CCDC57: variants seen among roughly 807,000 people sequenced by gnomAD.
CCDC57 encodes coiled-coil domain-containing protein 57.
Under a neutral mutation model 118.9 loss-of-function variants are expected in CCDC57, and 118 were observed. The observed-to-expected ratio is 0.99, with a 90% CI of 0.86 to 1.16. The LOEUF (loss-of-function observed/expected upper bound fraction) is 1.16, where lower values mean the gene tolerates loss of function less well. Among genes scored for constraint, CCDC57 ranks in the 50% most tolerant of loss-of-function variants. The pLI is 0.00. For missense variants in CCDC57, 1,300 were observed against 1,320.7 expected, an observed-to-expected ratio of 0.98 and a Z score of 0.24; for synonymous variants, 527 against 532.9, an observed-to-expected ratio of 0.99 and a Z score of 0.15.
chr17:82,173,994 A>C (rs1010558775), intron 11 of CCDC57, among the ~76,000 whole-genome samples: 12 of 152,208 alleles, frequency 7.9e-5, no homozygotes, highest in Admixed American at 5.2e-4. Flanking sequence ...TAGAGGAAAC[A>C]CCTGCTTCCA....
intron 7 of CCDC57, 23 bp downstream of exon 6, chr17:82,193,733 A>AT: frequency 6.3e-7 from 1 of 1,575,622 alleles, no homozygotes; most frequent in East Asian, 2.3e-5. Flanking sequence ...ATGCTGCATG[A>AT]TGTTGGGAGC....
In CCDC57 at chr17:82,116,482, C is replaced by G. The variant is rs186822634; in HGVS notation, c.2899+11210G>C. ...CCCACTTCTCCTATGCAGTCTTCCC[C>G]ACCCCCACAGCACAGCCGAATTCCT... On this transcript the variant is annotated intron_variant, in intron 19 of 19. Transcript: ENST00000665763. Among the ~76,000 whole-genome samples, 1,401 of 152,256 alleles carry G rather than the reference C, an allele frequency of 9.2e-3. 19 individuals carry two copies. Among genetic ancestry groups the G allele is most frequent in the African/African-American group, 0.032 (1,337 of 41,540 alleles).
intron 2 of CCDC57, among the ~76,000 whole-genome samples, chr17:82,205,103 TGTGC>T (rs2049460014): frequency 1.5e-5 from 1 of 68,644 alleles, no homozygotes; most frequent in Non-Finnish European, 2.6e-5. Flanking sequence ...TGCACACACC[TGTGC>T]ACACACCTGT....
In CCDC57 at chr17:82,184,027, GCGCGCACACA is replaced by G. The variant is rs1304926790; in HGVS notation, c.1053-105_1053-96del. ...CCAGCAAATACACATGCGCGCGCGC[GCGCGCACACA>G]CACACACACACACACACACACACAC... is the stretch of plus-strand genomic sequence containing the variant. On this transcript the variant is annotated intron_variant, in intron 8 of 19. Coordinates refer to ENST00000665763, the Ensembl canonical transcript of CCDC57. 1,151 of 327,816 alleles carry G rather than the reference GCGCGCACACA, an allele frequency of 3.5e-3. 4 individuals carry two copies. Among genetic ancestry groups the G allele is most frequent in the African/African-American group, 0.019 (605 of 31,628 alleles). 20.3% of individuals were successfully genotyped at this position (327,816 alleles called of 1,614,324 possible). A position where few individuals can be genotyped will look rare whatever the true frequency, so the allele number is the denominator to read the frequency against.
At position 82,172,958 on chromosome 17, in the gene CCDC57, C is replaced by T. The variant is rs1371726958; in HGVS notation, c.1507-98G>A. The T allele has an allele frequency of 6.6e-6, 7 of 1,063,272 alleles. No individual in the cohort carries two copies. The highest frequency in any genetic ancestry group is 2.6e-5 in the East Asian group (1 of 38,814). 65.9% of individuals were successfully genotyped at this position (1,063,272 alleles called of 1,614,324 possible). A position where few individuals can be genotyped will look rare whatever the true frequency, so the allele number is the denominator to read the frequency against. ...CGCTCTCCCCGCGCCCCTCTCGGGC[C>T]GGTCCCCCGCTTCAGCTTGGGCTGT... On this transcript the variant is annotated intron_variant, in intron 11 of 19. Transcript: ENST00000665763. The surrounding 1 kb of genome is among the most constrained non-coding windows in gnomAD (Gnocchi z 5.2).
chr17:82,185,653 T>G (rs1031049578), intron 8 of CCDC57, among the ~76,000 whole-genome samples: 3 of 151,924 alleles, frequency 2.0e-5, no homozygotes, highest in African/African-American at 7.3e-5. Context: ...GCTTTCCTGT[T>G]AATCCTACAG....
rs567303448 is a variant in CCDC57, at chr17:82,190,055, G to A, written c.852-1636C>T. Among the ~76,000 whole-genome samples, 57 of 152,070 alleles carry A rather than the reference G, an allele frequency of 3.7e-4. 1 individual carries two copies. Among genetic ancestry groups the A allele is most frequent in the African/African-American group, 1.3e-3 (53 of 41,416 alleles). ...GATGAGACACTAGTCATCTCCGTGT[G>A]AGCAGTTTGTCTCTCCAGTAAATTG... On this transcript the variant is annotated intron_variant, in intron 7 of 19. Coordinates refer to ENST00000665763, the Ensembl canonical transcript of CCDC57.
At chr17:82,184,378 G>A (rs2046680092) in intron 8 of CCDC57, among the ~76,000 whole-genome samples, 1 of 152,172 alleles carries the variant, frequency 6.6e-6, no homozygotes, top group South Asian at 2.1e-4. Context: ...GAGACATTCA[G>A]CACATTTTCA....
intron 19 of CCDC57, chr17:82,104,706 G>A (rs1282872893): frequency 6.6e-6 from 1 of 152,052 alleles, no homozygotes; most frequent in Non-Finnish European, 1.5e-5. Flanking sequence ...GCCCCGCTAA[G>A]TTTTTTGTAT....
chr17:82,195,097 G>A (rs536375669), intron 5 of CCDC57, among the ~76,000 whole-genome samples, 166 bp downstream of exon 4: 1 of 152,388 alleles, frequency 6.6e-6, no homozygotes, highest in African/African-American at 2.4e-5. Flanking sequence ...CTGCCATGGG[G>A]CACAGGGCAT....
chr17:82,133,935 T>C (rs968505256), intron 17 of CCDC57, 138 bp downstream of exon 16: 1 of 842,922 alleles, frequency 1.2e-6, no homozygotes, highest in African/African-American at 1.8e-5. Context: ...ATTGAAATGT[T>C]ACTAATAACT....
chr17:82,149,259 G>C (rs550220552), intron 16 of CCDC57, among the ~76,000 whole-genome samples: 1 of 74,134 alleles, frequency 1.3e-5, no homozygotes, highest in Non-Finnish European at 3.6e-5. Flanking sequence ...ATGGATGGAT[G>C]GGGGGGGTGG....
At chr17:82,150,932 C>T (rs374614606) in intron 16 of CCDC57, among the ~76,000 whole-genome samples, 2 of 92,042 alleles carry the variant, frequency 2.2e-5, no homozygotes, top group East Asian at 1.1e-3. Context: ...ACCAGGCGCA[C>T]ACCCAGAACC....
intron 7 of CCDC57, among the ~76,000 whole-genome samples, chr17:82,189,315 A>AAAG (rs34619978): frequency 0.46 from 70,361 of 151,646 alleles, 17,073 homozygotes; most frequent in East Asian, 0.88. Flanking sequence ...AAAAATTTAA[A>AAAG]AAGATTTACG....
In CCDC57 at chr17:82,194,049, C is replaced by T. The variant is rs34543170; in HGVS notation, c.709G>A (p.Glu237Lys). The change falls in exon 6 of 20, where the codon GAG becomes AAG. Residue 237 changes from glutamate (E) to lysine (K), a missense_variant. Transcript: ENST00000665763. ...CGGCTCTGGAGCTTCCTCTCCAGCT[C>T]GGCGTTGGTGGCCTCTGCCCTCTGC... The T allele has an allele frequency of 2.5e-5, 41 of 1,613,792 alleles. 1 individual carries two copies. In the East Asian group the frequency reaches 2.7e-4, roughly 11 times the overall value.
chr17:82,141,577 G>C (rs969146232), intron 16 of CCDC57, among the ~76,000 whole-genome samples: 2 of 152,186 alleles, frequency 1.3e-5, no homozygotes, highest in African/African-American at 4.8e-5. Context: ...CAGAGATGGT[G>C]AATTAGCACT....
chr17:82,170,216 A>G (rs913284251), intron 13 of CCDC57, among the ~76,000 whole-genome samples: 1 of 152,122 alleles, frequency 6.6e-6, no homozygotes, highest in Admixed American at 6.5e-5. Context: ...TTGTCCTTAC[A>G]AGAAGAGGAA....
At chr17:82,101,524 A>G in exon 20 of CCDC57, 1 of 627,090 alleles carries the variant, frequency 1.6e-6, no homozygotes, top group Non-Finnish European at 2.7e-6. Context: ...GCCTTCAGTC[A>G]GCAGGGTCGC....
chr17:82,111,418 G>A (rs1332890983), intron 19 of CCDC57, among the ~76,000 whole-genome samples: 2 of 133,260 alleles, frequency 1.5e-5, no homozygotes, highest in South Asian at 2.4e-4. Flanking sequence ...TTGCTCTGTC[G>A]CTCAGGTTGG....
Sources: allele counts gnomAD v4.1 joint callset (sites outside exome capture counted in the v4.1 genomes callset), GRCh38; gene constraint gnomAD v4.1.1; non-coding constraint Gnocchi (gnomAD v3.1); transcripts MANE v1.5; gene names NCBI Gene and HGNC (gene_info 2026-07-23, HGNC 2026-07-21).